AQR: variants seen among roughly 807,000 people sequenced by gnomAD.
The protein encoded by AQR is aquarius intron-binding spliceosomal factor.
A neutral mutation model predicts 180.5 loss-of-function variants in AQR; 61 were observed. The observed-to-expected ratio is 0.34, with a 90% CI of 0.28 to 0.42. The LOEUF is 0.42. AQR is among the 10% of genes least tolerant of loss of function. The pLI, the probability that AQR is intolerant of heterozygous loss-of-function variation, is 1.00. For missense variants in AQR, 1,281 were observed against 1,798.3 expected, an observed-to-expected ratio of 0.71 and a Z score of 5.20; for synonymous variants, 551 against 588.8, an observed-to-expected ratio of 0.94 and a Z score of 0.93.
chr15:34,957,683 A>T (rs967722368), intron 3 of AQR, among the ~76,000 whole-genome samples: 1 of 150,544 alleles, frequency 6.6e-6, no homozygotes, highest in Non-Finnish European at 1.5e-5. Flanking sequence ...CCTGGGCAAC[A>T]AGATCGAAAC....
rs1173044213 is a variant in AQR at position 34,897,566 on chromosome 15, G to A, written c.2383C>T (p.Pro795Ser). ...AATAGGTAGTAAAATTACCGTTTGGGTTGATTATAAGGATAAGGACCCCTA... is the reference window on the plus strand; with the variant it reads ...AATAGGTAGTAAAATTACCGTTTGGATTGATTATAAGGATAAGGACCCCTA... Reference protein sequence around the residue: ...PNRGPYPYNQPKRNTIQFTHT... With the variant: ...PNRGPYPYNQSKRNTIQFTHT... Residue 795 changes from proline to serine, a missense_variant, in exon 21 of 35, where the codon CCC becomes TCC. Coordinates refer to ENST00000156471, the MANE Select transcript of AQR (RefSeq NM_014691.3). The A allele has an allele frequency of 6.2e-7, 1 of 1,613,966 alleles. No individual in the cohort carries two copies. Among genetic ancestry groups the A allele is most frequent in the East Asian group, 2.2e-5 (1 of 44,860 alleles).
At chr15:34,894,229 A>AG (rs1226552917) in intron 22 of AQR, among the ~76,000 whole-genome samples, 2 of 152,134 alleles carry the variant, frequency 1.3e-5, no homozygotes, top group Non-Finnish European at 2.9e-5. Context: ...CAAAAAGCAA[A>AG]GAAAAAAAAA....
At chr15:34,897,788 G>A (rs1380980764) in intron 20 of AQR, 83 bp from the exon 21 acceptor site, 5 of 1,387,772 alleles carry the variant, frequency 3.6e-6, no homozygotes, top group Admixed American at 1.9e-5. Context: ...TTGTATGCAC[G>A]ATAATCAGAG....
intron 1 of AQR, among the ~76,000 whole-genome samples, chr15:34,967,315 T>C (rs1294284452): frequency 6.6e-6 from 1 of 152,214 alleles, no homozygotes; most frequent in Non-Finnish European, 1.5e-5. Flanking sequence ...CGGAGAGAAC[T>C]TTCCTGACTG....
rs561995057 is a variant in AQR, at chr15:34,864,470, G to A, written c.3855-1429C>T. On this transcript the variant is annotated intron_variant, in intron 32 of 34. Transcript: ENST00000156471. ...TACTGTCAGCCAAATTATTATTTTC[G>A]CCACATTTCCTTAAAACCCCAAGGG... Among the ~76,000 whole-genome samples the A allele has an allele frequency of 1.6e-4, 25 of 152,148 alleles. No homozygotes were observed. In the South Asian group the frequency reaches 1.9e-3, roughly 11 times the overall value.
chr15:34,899,101 C>T (rs919783135), intron 20 of AQR, among the ~76,000 whole-genome samples: 3 of 151,488 alleles, frequency 2.0e-5, no homozygotes, highest in African/African-American at 7.3e-5. Context: ...ACCCGGGAGT[C>T]GGAGCTTGCA....
At chr15:34,897,034 A>ACAATGACC in intron 21 of AQR, 68 bp from the exon 22 acceptor site, 1 of 1,285,298 alleles carries the variant, frequency 7.8e-7, no homozygotes, top group Non-Finnish European at 1.1e-6. Flanking sequence ...AATTTAGACA[A>ACAATGACC]CAATGACCAG....
chr15:34,948,510 C>G, intron 4 of AQR, 126 bp from the exon 5 acceptor site: 1 of 1,246,760 alleles, frequency 8.0e-7, no homozygotes, highest in Non-Finnish European at 1.1e-6. Flanking sequence ...CTATTTATAA[C>G]TTGGAATCCT....
chr15:34,859,978 A>T, intron 34 of AQR, 64 bp downstream of exon 34: 1 of 815,260 alleles, frequency 1.2e-6, no homozygotes, highest in Non-Finnish European at 1.8e-6. Context: ...TTAAAGATTT[A>T]TTCTGAAAAA....
chr15:34,957,358 T>C (rs985119592), intron 3 of AQR, among the ~76,000 whole-genome samples: 1 of 151,866 alleles, frequency 6.6e-6, no homozygotes, highest in African/African-American at 2.4e-5. Context: ...GGTTTCACCA[T>C]GTTAAATTTT....
intron 5 of AQR, among the ~76,000 whole-genome samples, chr15:34,947,089 G>T (rs1894139218): frequency 6.6e-6 from 1 of 152,344 alleles, no homozygotes; most frequent in South Asian, 2.1e-4. Context: ...GTGGGGAAAA[G>T]ATTGAGAAAT....
chr15:34,897,727 T>C, intron 20 of AQR, 22 bp from the exon 21 acceptor site: 1 of 1,612,872 alleles, frequency 6.2e-7, no homozygotes, highest in Non-Finnish European at 8.5e-7. Context: ...AAACTTCTGT[T>C]CATTTTTGCA....
intron 32 of AQR, among the ~76,000 whole-genome samples, chr15:34,867,170 CAT>C (rs927872008): frequency 2.6e-5 from 4 of 152,042 alleles, no homozygotes; most frequent in African/African-American, 9.7e-5. Flanking sequence ...AATGAGAAAA[CAT>C]ATTATACAAT....
At chr15:34,916,688 G>C (rs1303512318) in intron 15 of AQR, among the ~76,000 whole-genome samples, 1 of 151,872 alleles carries the variant, frequency 6.6e-6, no homozygotes, top group African/African-American at 2.4e-5. Context: ...GCCTCCTGAT[G>C]AAAGAACACA....
chr15:34,900,571 G>A (rs375399275), intron 20 of AQR, 51 bp downstream of exon 20: 59 of 1,575,764 alleles, frequency 3.7e-5, no homozygotes, highest in Non-Finnish European at 4.6e-5. Context: ...ATGGCATAAC[G>A]TACATTGACT....
intron 11 of AQR, among the ~76,000 whole-genome samples, chr15:34,931,530 G>A (rs556320864): frequency 5.3e-5 from 8 of 152,296 alleles, no homozygotes; most frequent in Admixed American, 4.6e-4. Flanking sequence ...TTCTCCTGCT[G>A]GGTGCAGTGG....
chr15:34,958,998 G>GAT (rs1291438269), intron 3 of AQR, among the ~76,000 whole-genome samples: 1 of 131,652 alleles, frequency 7.6e-6, no homozygotes. Context: ...TATAGATATA[G>GAT]ATATAGATAT....
chr15:34,947,263 G>A (rs189848878), intron 5 of AQR, among the ~76,000 whole-genome samples: 16,636 of 151,510 alleles, frequency 0.11, 1,025 homozygotes, highest in Middle Eastern at 0.17. Context: ...GGGTTGAATG[G>A]ATTAAGGGCG....
At chr15:34,869,974 T>C (rs901865759) in intron 31 of AQR, 5 of 152,216 alleles carry the variant, frequency 3.3e-5, no homozygotes, top group African/African-American at 1.2e-4. Context: ...GAGCTTGTGC[T>C]AGTTCCCTTT....
Sources: allele counts gnomAD v4.1 joint callset (sites outside exome capture counted in the v4.1 genomes callset), GRCh38; gene constraint gnomAD v4.1.1; transcripts MANE v1.5; gene names NCBI Gene and HGNC (gene_info 2026-07-23, HGNC 2026-07-21).